The following TTBK2 variants were observed in gnomAD, a reference collection of about 807,000 sequenced individuals.
TTBK2 encodes tau-tubulin kinase 2.
In TTBK2, 28 loss-of-function variants were observed where a neutral mutation model predicts 110.8. The ratio of observed to expected loss-of-function variants is 0.25; its 90% CI spans 0.19 to 0.35. The LOEUF (loss-of-function observed/expected upper bound fraction) is 0.35. TTBK2 is among the 10% of genes least tolerant of loss of function. The pLI is 1.00. For synonymous variants in TTBK2, 532 were observed against 527.3 expected, an observed-to-expected ratio of 1.01 and a Z score of -0.12; for missense variants, 1,369 against 1,500.3, an observed-to-expected ratio of 0.91 and a Z score of 1.45.
At chr15:42,790,915 G>A (rs1023111387) in intron 10 of TTBK2, among the ~76,000 whole-genome samples, 6 of 151,680 alleles carry the variant, frequency 4.0e-5, no homozygotes, top group African/African-American at 1.5e-4. Flanking sequence ...ATGGAGTCTC[G>A]CTCTGTCATC....
At chr15:42,765,154 G>A (rs979632550) in intron 13 of TTBK2, among the ~76,000 whole-genome samples, 5 of 152,182 alleles carry the variant, frequency 3.3e-5, no homozygotes, top group African/African-American at 1.2e-4. Flanking sequence ...ATGGGAAGAT[G>A]GGAAGAAACC....
intron 10 of TTBK2, among the ~76,000 whole-genome samples, chr15:42,785,356 A>G (rs912192950): frequency 1.3e-5 from 2 of 152,050 alleles, no homozygotes; most frequent in African/African-American, 2.4e-5. Flanking sequence ...CCTGGCCCCA[A>G]GTGATCCACC....
At chr15:42,870,271 G>A (rs1451018466) in intron 3 of TTBK2, among the ~76,000 whole-genome samples, 1 of 152,080 alleles carries the variant, frequency 6.6e-6, no homozygotes, top group Non-Finnish European at 1.5e-5. Context: ...ACTTTGAAAA[G>A]AGAGTAATCT....
intron 13 of TTBK2, among the ~76,000 whole-genome samples, chr15:42,764,323 T>C (rs1332184305): frequency 1.3e-5 from 2 of 151,990 alleles, no homozygotes; most frequent in African/African-American, 4.8e-5. Context: ...CCGGGAAGCA[T>C]AGGGGGTTGG....
chr15:42,791,278 A>T (rs1890671118), intron 10 of TTBK2, among the ~76,000 whole-genome samples: 2 of 152,130 alleles, frequency 1.3e-5, no homozygotes, highest in Non-Finnish European at 2.9e-5. Flanking sequence ...TCAGCCTCCC[A>T]AACTGCTGGG....
chr15:42,918,964 G>A (rs1249229713), intron 1 of TTBK2, among the ~76,000 whole-genome samples: 2 of 152,138 alleles, frequency 1.3e-5, no homozygotes, highest in Admixed American at 1.3e-4. Flanking sequence ...TTAAATTAAT[G>A]AAGTTATGGA....
chr15:42,785,543 C>T lies in TTBK2; in HGVS notation c.981-1908G>A, dbSNP rs79687530. Among the ~76,000 whole-genome samples the T allele has an allele frequency of 8.8e-3, 1,338 of 152,280 alleles. 22 individuals are homozygous for T. The highest frequency in any genetic ancestry group is 0.031 in the African/African-American group (1,269 of 41,532). On this transcript the variant is annotated intron_variant, in intron 10 of 14. Coordinates refer to ENST00000267890, the MANE Select transcript of TTBK2 (RefSeq NM_173500.4). ...TAATTATACAGTTGATATAGTTCAGCATGAACTGACCTGGGGGAAAAAATA... is the reference window on the plus strand; with the variant it reads ...TAATTATACAGTTGATATAGTTCAGTATGAACTGACCTGGGGGAAAAAATA...
At chr15:42,797,291 T>C (rs1890986774) in intron 9 of TTBK2, among the ~76,000 whole-genome samples, 2 of 152,246 alleles carry the variant, frequency 1.3e-5, no homozygotes, top group Admixed American at 1.3e-4. Flanking sequence ...TGTCCTTTTA[T>C]CATGGAATTA....
intron 1 of TTBK2, among the ~76,000 whole-genome samples, chr15:42,901,732 A>G (rs2141190750): frequency 6.6e-6 from 1 of 152,190 alleles, no homozygotes; most frequent in African/African-American, 2.4e-5. Context: ...TACAAATCAT[A>G]TATCTGATAA....
At chr15:42,887,027 T>C (rs1408055212) in intron 1 of TTBK2, among the ~76,000 whole-genome samples, 1 of 152,186 alleles carries the variant, frequency 6.6e-6, no homozygotes, top group Non-Finnish European at 1.5e-5. Flanking sequence ...GGAGGGTAAG[T>C]CCGTCCCCTT....
rs547956079 is a variant in TTBK2, at chr15:42,777,118, C to T, written c.1322G>A (p.Arg441Gln). Residue 441 changes from arginine to glutamine, a missense_variant, in exon 12 of 15, where the codon CGA (arginine) becomes CAA (glutamine). Transcript: ENST00000267890. ...TQPDRDIPLV[R>Q]KLRSIHSFEL... ...AAAGCTGTGAATGGAACGTAACTTT[C>T]GCACCAGTGGAATATCTCTGTCTGG... is the stretch of plus-strand genomic sequence containing the variant. 22 of 1,614,172 alleles carry T rather than the reference C, an allele frequency of 1.4e-5. No homozygotes were observed. The highest frequency in any genetic ancestry group is 4.0e-5 in the African/African-American group (3 of 75,030).
At chr15:42,919,809 T>C (rs537397282) in intron 1 of TTBK2, 1 of 985,462 alleles carries the variant, frequency 1.0e-6, no homozygotes, top group Non-Finnish European at 1.2e-6. Context: ...TAGAATAAAG[T>C]ATCCTGGCAT....
At chr15:42,811,977 T>C (rs1304991720) in intron 7 of TTBK2, among the ~76,000 whole-genome samples, 197 bp from the exon 8 acceptor site, 6 of 152,032 alleles carry the variant, frequency 3.9e-5, no homozygotes, top group Admixed American at 2.6e-4. Flanking sequence ...AATATACAAA[T>C]TGAAAAACTT....
intron 1 of TTBK2, among the ~76,000 whole-genome samples, chr15:42,896,074 C>A (rs747351926): frequency 6.6e-6 from 1 of 152,040 alleles, no homozygotes; most frequent in Non-Finnish European, 1.5e-5. Flanking sequence ...ATCTGTAATC[C>A]CAACACTTTG....
At chr15:42,765,430 G>A (rs1251799269) in intron 13 of TTBK2, among the ~76,000 whole-genome samples, 5 of 152,196 alleles carry the variant, frequency 3.3e-5, no homozygotes, top group Non-Finnish European at 7.3e-5. Context: ...TAAATGACCT[G>A]ATGGAGCTGA....
At position 42,817,048 on chromosome 15, in the gene TTBK2, T is replaced by C. The variant is rs772359114; in HGVS notation, c.587A>G (p.Asn196Ser). 8 of 1,605,986 alleles carry C rather than the reference T, an allele frequency of 5.0e-6. No homozygotes were observed. The highest frequency in any genetic ancestry group is 3.3e-5 in the South Asian group (3 of 90,964). Reference sequence around the variant, plus strand: ...GATACCTACCCTGTTCCGATGTGCGTTGATTGATGCATAACGAACTGTCCC... The same window carrying C: ...GATACCTACCCTGTTCCGATGTGCGCTGATTGATGCATAACGAACTGTCCC... Reference protein sequence around the residue: ...FRGTVRYASINAHRNREMGRH... With the variant: ...FRGTVRYASISAHRNREMGRH... Residue 196 changes from asparagine (N) to serine (S), a missense_variant, in exon 7 of 15, where the codon AAC (asparagine) becomes AGC (serine). Transcript: ENST00000267890.
Position 42,777,228 on chromosome 15 carries a change from C to T in TTBK2, c.1212G>A (p.Glu404=). The T allele has an allele frequency of 6.2e-7, 1 of 1,614,120 alleles. No individual in the cohort carries two copies. Among genetic ancestry groups the T allele is most frequent in the Non-Finnish European group, 8.5e-7 (1 of 1,180,024 alleles). Reference sequence around the variant, plus strand: ...CATTTGCCTGGCCATGGCTGTTCTCCTCTTCAGTAGCAGCCTATCCAAAAT... The same window carrying T: ...CATTTGCCTGGCCATGGCTGTTCTCTTCTTCAGTAGCAGCCTATCCAAAAT... The part of the protein sequence containing the change: ...KLGICKAATE[E]ENSHGQANGL... The change falls in exon 12 of 15, where the codon GAG becomes GAA. Residue 404 remains glutamate, a synonymous_variant. Coordinates refer to ENST00000267890, the MANE Select transcript of TTBK2 (RefSeq NM_173500.4).
intron 9 of TTBK2, among the ~76,000 whole-genome samples, chr15:42,798,842 G>T (rs754793270): frequency 4.6e-4 from 70 of 152,242 alleles, no homozygotes; most frequent in Non-Finnish European, 9.3e-4. Context: ...TTAAGTGAAG[G>T]GGAAGTTGTT....
At chr15:42,821,728 T>TAA in intron 6 of TTBK2, among the ~76,000 whole-genome samples, 1 of 149,696 alleles carries the variant, frequency 6.7e-6, no homozygotes, top group South Asian at 2.1e-4. Flanking sequence ...TCTCACTCTG[T>TAA]CTCCAGGCTG....
Sources: allele counts gnomAD v4.1 joint callset (sites outside exome capture counted in the v4.1 genomes callset), GRCh38; gene constraint gnomAD v4.1.1; transcripts MANE v1.5; gene names NCBI Gene and HGNC (gene_info 2026-07-23, HGNC 2026-07-21).